Variants in TRDN observed in about 807,000 individuals in gnomAD.
TRDN encodes the protein triadin.
A neutral mutation model predicts 149.7 loss-of-function variants in TRDN; 161 were observed. That is an observed-to-expected ratio of 1.08 (90% CI 0.95 to 1.23). TRDN has a LOEUF of 1.23. Ranked by LOEUF, TRDN falls within the 50% of genes most tolerant of loss-of-function variation. The pLI is 0.00. For synonymous variants in TRDN, 294 were observed against 250.5 expected (o/e 1.17, Z -1.64); for missense variants, 896 against 823.5 (o/e 1.09, Z -1.08).
chr6:123,252,761 C>T (rs1186853375), intron 37 of TRDN, among the ~76,000 whole-genome samples: 1 of 152,044 alleles, frequency 6.6e-6, no homozygotes, highest in Non-Finnish European at 1.5e-5. Context: ...GCTGGTATTA[C>T]AGGTGTGAGT....
At chr6:123,291,005 A>C (rs988047396) in intron 24 of TRDN, among the ~76,000 whole-genome samples, 13 of 151,990 alleles carry the variant, frequency 8.6e-5, no homozygotes, top group Non-Finnish European at 1.5e-4. Flanking sequence ...AAAAATACAA[A>C]AATTAGCCAG....
intron 1 of TRDN, among the ~76,000 whole-genome samples, chr6:123,608,617 A>C (rs1784634490): frequency 6.6e-6 from 1 of 152,196 alleles, no homozygotes; most frequent in Admixed American, 6.5e-5. Flanking sequence ...TCATTATGCA[A>C]CTTTAAAAAT....
At chr6:123,417,256 C>T (rs370253503) in intron 12 of TRDN, among the ~76,000 whole-genome samples, 2 of 152,094 alleles carry the variant, frequency 1.3e-5, no homozygotes, top group Non-Finnish European at 2.9e-5. Context: ...TTGAGGGAAG[C>T]ATATTAAGTC....
At chr6:123,404,593 C>T (rs557349927) in intron 12 of TRDN, among the ~76,000 whole-genome samples, 26 of 152,042 alleles carry the variant, frequency 1.7e-4, no homozygotes, top group Non-Finnish European at 3.4e-4. Context: ...GGATTACAGG[C>T]GTGCACCACC....
At chr6:123,441,587 A>C (rs147876373) in intron 10 of TRDN, among the ~76,000 whole-genome samples, 13 of 152,304 alleles carry the variant, frequency 8.5e-5, no homozygotes, top group African/African-American at 2.9e-4. Flanking sequence ...CTGAGCCACA[A>C]ATATGTTATT....
At chr6:123,473,950 A>C (rs1028394917) in intron 9 of TRDN, among the ~76,000 whole-genome samples, 1 of 152,178 alleles carries the variant, frequency 6.6e-6, no homozygotes, top group African/African-American at 2.4e-5. Context: ...GGAAGAGCTA[A>C]ATATGGAAAG....
At chr6:123,302,162 A>T (rs1308208245) in intron 24 of TRDN, among the ~76,000 whole-genome samples, 1 of 151,936 alleles carries the variant, frequency 6.6e-6, no homozygotes, top group Non-Finnish European at 1.5e-5. Context: ...GATGACAGAT[A>T]TAAACTAAAT....
At chr6:123,351,218 T>A (rs1185476411) in intron 21 of TRDN, 9 of 982,132 alleles carry the variant, frequency 9.2e-6, no homozygotes, top group Non-Finnish European at 1.1e-5. Context: ...TAAGAAAAAA[T>A]GCCTAAGTAT....
intron 9 of TRDN, among the ~76,000 whole-genome samples, chr6:123,480,661 AG>A (rs1422234327): frequency 6.6e-6 from 1 of 152,088 alleles, no homozygotes; most frequent in Non-Finnish European, 1.5e-5. Flanking sequence ...TGGGAATGTG[AG>A]GGGCAACCAG....
At chr6:123,388,750 T>A (rs1298741701) in intron 13 of TRDN, among the ~76,000 whole-genome samples, 199 bp from the exon 14 acceptor site, 1 of 152,096 alleles carries the variant, frequency 6.6e-6, no homozygotes, top group Non-Finnish European at 1.5e-5. Flanking sequence ...AAATAAGCAT[T>A]AGCAAAAGAA....
chr6:123,485,612 A>C (rs1262809819), intron 9 of TRDN, among the ~76,000 whole-genome samples: 1 of 152,168 alleles, frequency 6.6e-6, no homozygotes, highest in Non-Finnish European at 1.5e-5. Context: ...GTAGAAAATC[A>C]CAATTCTGCT....
chr6:123,412,553 A>G (rs1012918815), intron 12 of TRDN, among the ~76,000 whole-genome samples: 2 of 152,130 alleles, frequency 1.3e-5, no homozygotes, highest in Non-Finnish European at 2.9e-5. Flanking sequence ...TTTTCTTCCT[A>G]GATTTAGAAT....
At chr6:123,623,692 T>C (rs1222127009) in intron 1 of TRDN, among the ~76,000 whole-genome samples, 2 of 152,124 alleles carry the variant, frequency 1.3e-5, no homozygotes, top group Non-Finnish European at 1.5e-5. Flanking sequence ...GTTAAAAACT[T>C]AATTCTTTGC....
At chr6:123,267,171 A>G (rs1379517513) in intron 32 of TRDN, among the ~76,000 whole-genome samples, 1 of 151,024 alleles carries the variant, frequency 6.6e-6, no homozygotes, top group Non-Finnish European at 1.5e-5. Flanking sequence ...GAGAACTGGT[A>G]GAATTTACCA....
At chr6:123,335,989 C>T (rs544713683) in intron 22 of TRDN, among the ~76,000 whole-genome samples, 4 of 151,882 alleles carry the variant, frequency 2.6e-5, no homozygotes, top group South Asian at 2.1e-4. Context: ...ATGGAACTGT[C>T]GCAAAATACA....
At position 123,634,281 on chromosome 6, in the gene TRDN, T is replaced by A. The variant is rs539467633; in HGVS notation, c.22+2473A>T. ...GGTCGTGTCTTTACAAAAATAATAA[T>A]AAAAAAAAAATTAGCCAGGCATGGT... is the stretch of plus-strand genomic sequence containing the variant. On this transcript the variant is annotated intron_variant, in intron 1 of 40. Transcript: ENST00000334268. 1.6e-4 allele frequency among the ~76,000 whole-genome samples: 23 copies of A among 147,498 alleles called. No homozygotes were observed. In the South Asian group the frequency reaches 3.0e-3, roughly 19 times the overall value.
At chr6:123,432,762 A>G (rs1285591229) in intron 12 of TRDN, among the ~76,000 whole-genome samples, 2 of 151,472 alleles carry the variant, frequency 1.3e-5, no homozygotes, top group African/African-American at 4.9e-5. Flanking sequence ...CTTGTAAGTG[A>G]CATTCACAAA....
intron 4 of TRDN, among the ~76,000 whole-genome samples, chr6:123,542,266 A>G (rs990001243): frequency 6.6e-6 from 1 of 152,214 alleles, no homozygotes; most frequent in Non-Finnish European, 1.5e-5. Context: ...TATTTCAAAG[A>G]GAAAGTAGTT....
rs1193940346 is a variant in TRDN, at chr6:123,385,435, GA to G, written c.1135+3086del. The stretch of plus-strand genomic sequence containing the variant: ...CGAGACTCCATCTCAAAAAAAAAAA[GA>G]AAAAAAAAAACAGAAAGAAAATGAA... On this transcript the variant is annotated intron_variant, in intron 14 of 40. Transcript: ENST00000334268. Among the ~76,000 whole-genome samples, 340 of 141,866 alleles carry G rather than the reference GA, an allele frequency of 2.4e-3. 5 individuals are homozygous for G. The East Asian group carries it at 0.042, about 17-fold the overall frequency. 93.1% of individuals were successfully genotyped at this position (141,866 alleles called of 152,430 possible).
Sources: allele counts gnomAD v4.1 joint callset (sites outside exome capture counted in the v4.1 genomes callset), GRCh38; gene constraint gnomAD v4.1.1; transcripts MANE v1.5; gene names NCBI Gene and HGNC (gene_info 2026-07-23, HGNC 2026-07-21).